The following MALRD1 variants were observed in gnomAD, a reference collection of about 807,000 sequenced individuals.
The protein encoded by MALRD1 is MAM and LDL-receptor class A domain-containing protein 1.
In MALRD1, 247 loss-of-function variants were observed where a neutral mutation model predicts 242.1. The ratio of observed to expected loss-of-function variants is 1.02; its 90% CI spans 0.92 to 1.13. The LOEUF is 1.13. Ranked by LOEUF, MALRD1 falls within the 50% of genes most tolerant of loss-of-function variation. The pLI, the probability that MALRD1 is intolerant of heterozygous loss-of-function variation, is 0.00. For synonymous variants in MALRD1, 995 were observed against 866.6 expected (o/e 1.15, Z -2.60); for missense variants, 2,989 against 2,533.1 (o/e 1.18, Z -3.86).
At chr10:19,707,576 G>A (rs1833925440) in intron 38 of MALRD1, among the ~76,000 whole-genome samples, 1 of 152,098 alleles carries the variant, frequency 6.6e-6, no homozygotes, top group South Asian at 2.1e-4. Context: ...GAGATGATGA[G>A]GACTTGAACC....
intron 31 of MALRD1, among the ~76,000 whole-genome samples, chr10:19,513,773 G>A (rs1487280309): frequency 6.6e-6 from 1 of 151,788 alleles, no homozygotes; most frequent in Non-Finnish European, 1.5e-5. Flanking sequence ...CCAACCTAAG[G>A]TACTCCTTTA....
At chr10:19,714,678 A>C (rs1244424219) in intron 38 of MALRD1, among the ~76,000 whole-genome samples, 2 of 152,118 alleles carry the variant, frequency 1.3e-5, no homozygotes, top group African/African-American at 4.8e-5. Flanking sequence ...CATCCATAAA[A>C]GTGTTGAGTA....
At chr10:19,647,515 T>G (rs1840707597) in intron 36 of MALRD1, among the ~76,000 whole-genome samples, 1 of 151,964 alleles carries the variant, frequency 6.6e-6, no homozygotes, top group Non-Finnish European at 1.5e-5. Flanking sequence ...TTTTCTAAGG[T>G]GGAAAGTGGA....
chr10:19,215,961 C>T (rs1837295221), intron 18 of MALRD1, among the ~76,000 whole-genome samples: 2 of 151,646 alleles, frequency 1.3e-5, no homozygotes, highest in South Asian at 4.2e-4. Flanking sequence ...CATGTATCCA[C>T]AGGTAGAGTG....
At chr10:19,712,373 T>C (rs940870854) in intron 38 of MALRD1, among the ~76,000 whole-genome samples, 1 of 152,236 alleles carries the variant, frequency 6.6e-6, no homozygotes, top group African/African-American at 2.4e-5. Flanking sequence ...TTGCAATGTT[T>C]CCATTGTTCT....
rs186818912 is a variant in MALRD1 at position 19,565,049 on chromosome 10, T to C, written c.5479-2453T>C. Among the ~76,000 whole-genome samples the C allele has an allele frequency of 4.1e-4, 62 of 152,290 alleles. 1 individual carries two copies. The highest frequency in any genetic ancestry group is 7.4e-5 in the Non-Finnish European group (5 of 68,004). ...TACTGGAGGTATTATAAATAACATG[T>C]TACTAATGAAATAACCTACAAACTG... On this transcript the variant is annotated intron_variant, in intron 32 of 39. Transcript: ENST00000454679.
chr10:19,648,517 C>T (rs1324225686), intron 36 of MALRD1, among the ~76,000 whole-genome samples: 3 of 152,102 alleles, frequency 2.0e-5, no homozygotes, highest in Non-Finnish European at 4.4e-5. Context: ...TCAAGATAAT[C>T]AACCAATAAA....
intron 38 of MALRD1, among the ~76,000 whole-genome samples, chr10:19,719,099 C>T (rs1159764048): frequency 1.3e-5 from 2 of 148,724 alleles, no homozygotes; most frequent in Admixed American, 6.8e-5. Flanking sequence ...GGAGGTCAAA[C>T]TATGATCCCA....
rs532742496 is a variant in MALRD1 at position 19,327,989 on chromosome 10, G to T, written c.3687+316G>T. On this transcript the variant is annotated intron_variant, in intron 23 of 39. Coordinates refer to ENST00000454679, the MANE Select transcript of MALRD1 (RefSeq NM_001142308.3). ...TCTGTTTTGCAAATATATTCTCAGA[G>T]CTTGTACAGCAATTAATTCTTTCAA... 3.3e-5 allele frequency among the ~76,000 whole-genome samples: 5 copies of T among 152,200 alleles called. No homozygotes were observed. The South Asian group carries it at 1.0e-3, about 32-fold the overall frequency.
intron 21 of MALRD1, among the ~76,000 whole-genome samples, chr10:19,319,386 C>G (rs921852622): frequency 6.6e-6 from 1 of 152,060 alleles, no homozygotes; most frequent in Admixed American, 6.6e-5. Context: ...AAACGTTATT[C>G]TTTCCATCAG....
At chr10:19,727,992 T>C (rs745771183) in intron 38 of MALRD1, among the ~76,000 whole-genome samples, 1 of 152,206 alleles carries the variant, frequency 6.6e-6, no homozygotes. Flanking sequence ...ACTAGCAATT[T>C]CCTTCATGGA....
intron 35 of MALRD1, among the ~76,000 whole-genome samples, chr10:19,610,998 G>A (rs1252704549): frequency 6.6e-6 from 1 of 151,918 alleles, no homozygotes; most frequent in East Asian, 1.9e-4. Flanking sequence ...AGAAGGAGAA[G>A]ATGGAGAGAA....
intron 26 of MALRD1, among the ~76,000 whole-genome samples, chr10:19,376,163 A>T (rs1845582495): frequency 6.6e-6 from 1 of 152,114 alleles, no homozygotes; most frequent in Non-Finnish European, 1.5e-5. Flanking sequence ...AACAAAAAAA[A>T]CTTCGAGCTC....
chr10:19,203,236 T>C (rs1053250765), intron 14 of MALRD1, among the ~76,000 whole-genome samples: 4 of 152,216 alleles, frequency 2.6e-5, no homozygotes, highest in Non-Finnish European at 5.9e-5. Context: ...TATAACACTT[T>C]GTGAAATATT....
At chr10:19,499,640 G>A (rs952200066) in intron 31 of MALRD1, among the ~76,000 whole-genome samples, 5 of 152,196 alleles carry the variant, frequency 3.3e-5, no homozygotes, top group South Asian at 2.1e-4. Context: ...CACACATCCT[G>A]TTGATTCTGT....
chr10:19,582,147 A>C (rs1282861712), intron 33 of MALRD1, among the ~76,000 whole-genome samples: 3 of 152,116 alleles, frequency 2.0e-5, no homozygotes, highest in Admixed American at 2.0e-4. Flanking sequence ...AGTAGGTTGC[A>C]AAAATTTTCT....
chr10:19,627,994 A>C (rs886628259), intron 36 of MALRD1, among the ~76,000 whole-genome samples: 1 of 152,102 alleles, frequency 6.6e-6, no homozygotes, highest in African/African-American at 2.4e-5. Context: ...AACTAGACAA[A>C]CATTATTTAC....
rs564256084 is a variant in MALRD1, at chr10:19,161,394, C to A, written c.1657-4243C>A. On this transcript the variant is annotated intron_variant, in intron 12 of 39. Coordinates refer to ENST00000454679, the MANE Select transcript of MALRD1 (RefSeq NM_001142308.3). ...GGGAGGGATAGCATTGGGAGATATA[C>A]CTAATGCTAGATGACACAGTAGTGG... Among the ~76,000 whole-genome samples, 1,099 of 123,164 alleles carry A rather than the reference C, an allele frequency of 8.9e-3. 15 individuals are homozygous for A. The highest frequency in any genetic ancestry group is 0.031 in the African/African-American group (1,043 of 33,540). 80.8% of individuals were successfully genotyped at this position (123,164 alleles called of 152,430 possible).
At chr10:19,395,693 G>T (rs1846546880) in intron 28 of MALRD1, among the ~76,000 whole-genome samples, 1 of 152,190 alleles carries the variant, frequency 6.6e-6, no homozygotes, top group Non-Finnish European at 1.5e-5. Flanking sequence ...GTTTAATTCA[G>T]TTAGTTGCGA....
Sources: allele counts gnomAD v4.1 joint callset (sites outside exome capture counted in the v4.1 genomes callset), GRCh38; gene constraint gnomAD v4.1.1; transcripts MANE v1.5; gene names NCBI Gene and HGNC (gene_info 2026-07-23, HGNC 2026-07-21).